The following CACNA2D2 variants were observed in gnomAD, a reference collection of about 807,000 sequenced individuals.
CACNA2D2 encodes the protein voltage-dependent calcium channel subunit alpha-2/delta-2.
CACNA2D2 carries 48 observed loss-of-function variants against 166.4 expected under a neutral mutation model. The observed-to-expected ratio is 0.29, with a 90% CI of 0.23 to 0.37. The LOEUF (loss-of-function observed/expected upper bound fraction) is 0.37, where lower values mean the gene tolerates loss of function less well. Among genes scored for constraint, CACNA2D2 ranks in the 10% least tolerant of loss-of-function variants. The pLI, the probability that CACNA2D2 is intolerant of heterozygous loss-of-function variation, is 1.00. For missense variants in CACNA2D2, 1,122 were observed against 1,433.0 expected, an observed-to-expected ratio of 0.78 and a Z score of 3.50; for synonymous variants, 561 against 573.7, an observed-to-expected ratio of 0.98 and a Z score of 0.32.
chr3:50,434,227 G>T, intron 3 of CACNA2D2, 86 bp downstream of exon 3: 1 of 919,024 alleles, frequency 1.1e-6, no homozygotes, highest in Non-Finnish European at 1.8e-6. Flanking sequence ...CGTGATGAAG[G>T]CTCAGGACAC....
intron 4 of CACNA2D2, among the ~76,000 whole-genome samples, chr3:50,392,839 G>C (rs1190831377): frequency 6.6e-6 from 1 of 152,224 alleles, no homozygotes. Context: ...GGGAGAGAAG[G>C]GTCAGTCCTG....
chr3:50,401,934 A>G (rs532015281), intron 3 of CACNA2D2, among the ~76,000 whole-genome samples: 1 of 152,254 alleles, frequency 6.6e-6, no homozygotes, highest in African/African-American at 2.4e-5. Context: ...GCTGGTCTTG[A>G]ACTCCTGACC....
In CACNA2D2 at chr3:50,479,048, T is replaced by C. The variant is rs538061811; in HGVS notation, c.207-2849A>G. Reference sequence around the variant, plus strand: ...AGTTTTATTTTGCTCAGACAACACATTATTATAATCATCATCATTTCATCT... The same window carrying C: ...AGTTTTATTTTGCTCAGACAACACACTATTATAATCATCATCATTTCATCT... On this transcript the variant is annotated intron_variant, in intron 1 of 37. Coordinates refer to ENST00000424201, the MANE Select transcript of CACNA2D2 (RefSeq NM_006030.4). 9.7e-4 allele frequency among the ~76,000 whole-genome samples: 147 copies of C among 152,286 alleles called. 1 individual carries two copies. In the Middle Eastern group the frequency reaches 0.01, roughly 11 times the overall value.
chr3:50,494,978 A>G (rs1698665754), intron 1 of CACNA2D2, among the ~76,000 whole-genome samples: 1 of 152,142 alleles, frequency 6.6e-6, no homozygotes, highest in South Asian at 2.1e-4. Flanking sequence ...ACCCGGCTGG[A>G]TATTTTTATT....
At chr3:50,497,676 C>T (rs1193430555) in intron 1 of CACNA2D2, among the ~76,000 whole-genome samples, 1 of 152,178 alleles carries the variant, frequency 6.6e-6, no homozygotes, top group Non-Finnish European at 1.5e-5. Context: ...AGAATCTTGA[C>T]TCCTTTAGGG....
upstream of CACNA2D2, chr3:50,503,946 G>C (rs1484294351): frequency 6.6e-6 from 1 of 152,294 alleles, no homozygotes; most frequent in Non-Finnish European, 1.5e-5. Flanking sequence ...GCGGCCCAAG[G>C]CAGGAGCATA....
chr3:50,441,954 C>CA (rs1406831093), intron 2 of CACNA2D2, among the ~76,000 whole-genome samples: 1 of 152,212 alleles, frequency 6.6e-6, no homozygotes, highest in Non-Finnish European at 1.5e-5. Context: ...GTGAGCCCCC[C>CA]ACCACAGGGA....
chr3:50,482,568 C>T (rs1012491459), intron 1 of CACNA2D2, among the ~76,000 whole-genome samples: 4 of 152,342 alleles, frequency 2.6e-5, no homozygotes, highest in African/African-American at 4.8e-5. Context: ...CTAGCAGTGA[C>T]GGCTGCCCCA....
At chr3:50,491,231 G>T (rs1227269959) in intron 1 of CACNA2D2, among the ~76,000 whole-genome samples, 1 of 152,226 alleles carries the variant, frequency 6.6e-6, no homozygotes, top group African/African-American at 2.4e-5. Flanking sequence ...CAGATGAGGT[G>T]GCAGGGGGAG....
intron 3 of CACNA2D2, among the ~76,000 whole-genome samples, chr3:50,404,469 G>A (rs1308024480): frequency 6.6e-6 from 1 of 152,136 alleles, no homozygotes; most frequent in Non-Finnish European, 1.5e-5. Context: ...TGCCTCATCT[G>A]GCCAGGTCAG....
intron 2 of CACNA2D2, among the ~76,000 whole-genome samples, chr3:50,459,430 C>A (rs1709501926): frequency 6.6e-6 from 1 of 152,086 alleles, no homozygotes; most frequent in Admixed American, 6.5e-5. Flanking sequence ...CAGGGTCTTC[C>A]CAACTCTCTC....
At position 50,365,494 on chromosome 3, in the gene CACNA2D2, C is replaced by T. The variant is rs1177409904; in HGVS notation, c.2972-12G>A. ...GGCCTCCGCGGGGTCTGCGAGGGCC[C>T]AGAGCGCCTCAGCTCCGCCCACAGA... On this transcript the variant is annotated splice_polypyrimidine_tract_variant and intron_variant, in intron 34 of 37. Transcript: ENST00000424201. The surrounding 1 kb of genome is among the most constrained non-coding windows in gnomAD (Gnocchi z 4.5). 6.2e-7 allele frequency: 1 copy of T among 1,612,500 alleles called. No individual in the cohort carries two copies. Among genetic ancestry groups the T allele is most frequent in the Admixed American group, 1.7e-5 (1 of 59,870 alleles).
intron 3 of CACNA2D2, among the ~76,000 whole-genome samples, chr3:50,419,358 G>A (rs918738187): frequency 6.6e-6 from 1 of 152,292 alleles, no homozygotes; most frequent in East Asian, 1.9e-4. Flanking sequence ...TGAGGTCAAG[G>A]ACCTGGGTCT....
At chr3:50,396,506 T>C (rs1706161595) in intron 3 of CACNA2D2, among the ~76,000 whole-genome samples, 1 of 152,110 alleles carries the variant, frequency 6.6e-6, no homozygotes, top group Non-Finnish European at 1.5e-5. Context: ...TGGAGCCTCC[T>C]CTTGACCTAA....
At chr3:50,370,525 C>T (rs903986224) in intron 22 of CACNA2D2, 145 bp from the exon 23 acceptor site, 9 of 652,408 alleles carry the variant, frequency 1.4e-5, no homozygotes, top group East Asian at 5.5e-5. Context: ...GCCATTTCCA[C>T]GTCCAGGAGC....
intron 2 of CACNA2D2, among the ~76,000 whole-genome samples, chr3:50,473,139 G>A (rs1710169574): frequency 6.6e-6 from 1 of 152,186 alleles, no homozygotes; most frequent in Non-Finnish European, 1.5e-5. Flanking sequence ...TAGCTGCGAT[G>A]TTAGATGAGG....
At chr3:50,436,129 A>G (rs952006573) in intron 2 of CACNA2D2, among the ~76,000 whole-genome samples, 4 of 152,178 alleles carry the variant, frequency 2.6e-5, no homozygotes, top group African/African-American at 9.7e-5. Context: ...TTGAGTGGCA[A>G]AGCCAGATCC....
chr3:50,476,640 A>G (rs962182202), intron 1 of CACNA2D2, among the ~76,000 whole-genome samples: 1 of 152,186 alleles, frequency 6.6e-6, no homozygotes, highest in African/African-American at 2.4e-5. Context: ...GGCCTAGAGA[A>G]GGGGACGGAA....
At chr3:50,403,936 C>A (rs938431562) in intron 3 of CACNA2D2, among the ~76,000 whole-genome samples, 1 of 152,244 alleles carries the variant, frequency 6.6e-6, no homozygotes, top group Non-Finnish European at 1.5e-5. Context: ...ACTGCATGTG[C>A]CTGATTCCCT....
Sources: gnomAD v4.1 joint callset for allele counts (sites outside exome capture counted in the v4.1 genomes callset) on GRCh38, gnomAD v4.1.1 for gene constraint, Gnocchi (gnomAD v3.1) non-coding constraint, MANE v1.5 for transcripts, NCBI Gene and HGNC (gene_info 2026-07-23, HGNC 2026-07-21) for gene names.